Variants in CEP85L observed in about 807,000 individuals in gnomAD.
CEP85L encodes the protein centrosomal protein of 85 kDa-like.
A neutral mutation model predicts 100.3 loss-of-function variants in CEP85L; 60 were observed. That is an observed-to-expected ratio of 0.60 (90% CI 0.49 to 0.74). CEP85L has a LOEUF of 0.74. CEP85L is among the 30% of genes least tolerant of loss of function. The pLI is 0.00. For missense variants in CEP85L, 973 were observed against 936.2 expected (o/e 1.04, Z -0.51); for synonymous variants, 319 against 322.7 (o/e 0.99, Z 0.12).
intron 3 of CEP85L, among the ~76,000 whole-genome samples, chr6:118,542,516 G>C (rs1481398526): frequency 6.6e-6 from 1 of 151,892 alleles, no homozygotes; most frequent in Non-Finnish European, 1.5e-5. Context: ...AGAACATTTG[G>C]GCTTCAAAGA....
chr6:118,588,251 A>G (rs745554682), intron 2 of CEP85L, among the ~76,000 whole-genome samples: 33 of 152,234 alleles, frequency 2.2e-4, no homozygotes, highest in Non-Finnish European at 4.0e-4. Context: ...CATGGATGGG[A>G]AATTCTATAG....
At chr6:118,655,660 C>A (rs1447611881), upstream of CEP85L, among the ~76,000 whole-genome samples, 1 of 152,188 alleles carries the variant, frequency 6.6e-6, no homozygotes. Flanking sequence ...CTGACCTGCC[C>A]TGGTGGGGAA....
At chr6:118,685,569 T>C (rs1047102562) in intron 1 of CEP85L, among the ~76,000 whole-genome samples, 1 of 152,206 alleles carries the variant, frequency 6.6e-6, no homozygotes, top group African/African-American at 2.4e-5. Flanking sequence ...TTATTTTTCA[T>C]GAAATAAACA....
intron 1 of CEP85L, among the ~76,000 whole-genome samples, chr6:118,683,988 G>A (rs2638527): frequency 0.042 from 6,402 of 152,192 alleles, 231 homozygotes; most frequent in African/African-American, 0.095. Flanking sequence ...AAATTAATGT[G>A]TAACTTTTCA....
At chr6:118,485,167 C>G (rs961050093) in intron 6 of CEP85L, among the ~76,000 whole-genome samples, 6 of 152,168 alleles carry the variant, frequency 3.9e-5, no homozygotes, top group Non-Finnish European at 7.4e-5. Flanking sequence ...AAAGCTCTTT[C>G]ATATTTACTC....
At chr6:118,569,341 C>CAAAAAAAAAAAAAAAA (rs56123225) in intron 2 of CEP85L, among the ~76,000 whole-genome samples, 4 of 68,210 alleles carry the variant, frequency 5.9e-5, no homozygotes, top group African/African-American at 1.3e-4. Context: ...GACTCTGTCT[C>CAAAAAAAAAAAAAAAA]AAAAAAAAAA....
At chr6:118,687,168 T>C (rs540100034) in intron 1 of CEP85L, among the ~76,000 whole-genome samples, 1 of 152,224 alleles carries the variant, frequency 6.6e-6, no homozygotes, top group African/African-American at 2.4e-5. Flanking sequence ...ATGTCATTCA[T>C]GTAGAGAAGC....
At chr6:118,589,256 C>A in intron 2 of CEP85L, 1 of 226,336 alleles carries the variant, frequency 4.4e-6, no homozygotes, top group South Asian at 8.4e-5. Context: ...TAAACTAGGT[C>A]TCTAGGCCAC....
intron 2 of CEP85L, among the ~76,000 whole-genome samples, chr6:118,579,365 GAA>G (rs561403870): frequency 7.6e-6 from 1 of 130,998 alleles, no homozygotes. Context: ...AAGCTGGTCA[GAA>G]AAAAAAAAAA....
At chr6:118,599,875 T>C (rs1324907398) in intron 2 of CEP85L, among the ~76,000 whole-genome samples, 1 of 152,116 alleles carries the variant, frequency 6.6e-6, no homozygotes, top group Non-Finnish European at 1.5e-5. Flanking sequence ...TCCTCAAAAC[T>C]GTTAAGGTTA....
At chr6:118,589,529 A>G (rs910292790) in intron 2 of CEP85L, 8 of 251,884 alleles carry the variant, frequency 3.2e-5, no homozygotes, top group Non-Finnish European at 7.0e-5. Flanking sequence ...GACTAACAAG[A>G]CATCTAGACC....
In CEP85L at chr6:118,520,745, A is replaced by G. The variant is rs190153689; in HGVS notation, c.1139+3057T>C. ...ATCCCAAACTCCACTTTTACGAGCTAAACTTTCAAAAAACTTCATTTTTGC... is the reference window on the plus strand; with the variant it reads ...ATCCCAAACTCCACTTTTACGAGCTGAACTTTCAAAAAACTTCATTTTTGC... On this transcript the variant is annotated intron_variant, in intron 4 of 12. Transcript: ENST00000368491. Among the ~76,000 whole-genome samples the G allele has an allele frequency of 6.0e-3, 913 of 152,304 alleles. 5 individuals are homozygous for G. Among genetic ancestry groups the G allele is most frequent in the Middle Eastern group, 0.014 (4 of 294 alleles).
chr6:118,618,524 T>C (rs1396465703), intron 2 of CEP85L, among the ~76,000 whole-genome samples: 1 of 152,198 alleles, frequency 6.6e-6, no homozygotes, highest in South Asian at 2.1e-4. Flanking sequence ...ATGAATTTCC[T>C]TTTTTTGGTG....
intron 3 of CEP85L, among the ~76,000 whole-genome samples, chr6:118,541,503 C>G (rs1433029840): frequency 6.6e-6 from 1 of 152,138 alleles, no homozygotes; most frequent in East Asian, 1.9e-4. Flanking sequence ...ATATCAAAAT[C>G]TATTTTCATA....
chr6:118,633,587 T>G (rs536647414), intron 1 of CEP85L, among the ~76,000 whole-genome samples: 1 of 152,176 alleles, frequency 6.6e-6, no homozygotes, highest in Non-Finnish European at 1.5e-5. Flanking sequence ...ACTTACTCAC[T>G]TTTACTTAAC....
chr6:118,612,860 G>A (rs1480594227), intron 2 of CEP85L, among the ~76,000 whole-genome samples: 1 of 152,022 alleles, frequency 6.6e-6, no homozygotes, highest in East Asian at 1.9e-4. Context: ...TCTTTGTAGA[G>A]ATCAGTAAAA....
chr6:118,668,848 T>A (rs1776210586), intron 1 of CEP85L, among the ~76,000 whole-genome samples: 1 of 152,238 alleles, frequency 6.6e-6, no homozygotes, highest in Non-Finnish European at 1.5e-5. Context: ...GAATGGCTGC[T>A]TCTTATCTGG....
chr6:118,537,599 T>C, intron 3 of CEP85L: 1 of 985,262 alleles, frequency 1.0e-6, no homozygotes, highest in South Asian at 4.7e-5. Flanking sequence ...CCCAAACACA[T>C]GCTACTTAGA....
chr6:118,483,310 A>G (rs1227871966), intron 7 of CEP85L, among the ~76,000 whole-genome samples: 1 of 151,698 alleles, frequency 6.6e-6, no homozygotes, highest in Admixed American at 6.6e-5. Flanking sequence ...AAATATATAT[A>G]TATAAAGGTT....
Sources: allele counts gnomAD v4.1 joint callset (sites outside exome capture counted in the v4.1 genomes callset), GRCh38; gene constraint gnomAD v4.1.1; transcripts MANE v1.5; gene names NCBI Gene and HGNC (gene_info 2026-07-23, HGNC 2026-07-21).